ACOX3: variants seen among roughly 807,000 people sequenced by gnomAD.
The protein encoded by ACOX3 is peroxisomal acyl-coenzyme A oxidase 3.
A neutral mutation model predicts 81.5 loss-of-function variants in ACOX3; 73 were observed. The observed-to-expected ratio is 0.90, with a 90% CI of 0.74 to 1.09. ACOX3 has a LOEUF of 1.09. Among genes scored for constraint, ACOX3 ranks in the 50% least tolerant of loss-of-function variants. The probability of loss-of-function intolerance (pLI) is 0.00; values close to 1 mark genes in which losing one functional copy is unlikely to be tolerated. For synonymous variants in ACOX3, 387 were observed against 375.1 expected (o/e 1.03, Z -0.37); for missense variants, 947 against 928.0 (o/e 1.02, Z -0.27).
chr4:8,418,057 C>G (rs1432620219), intron 1 of ACOX3, among the ~76,000 whole-genome samples: 1 of 152,116 alleles, frequency 6.6e-6, no homozygotes, highest in Non-Finnish European at 1.5e-5. Context: ...AAACTGTCCA[C>G]GAAGAAAAAC....
intron 11 of ACOX3, among the ~76,000 whole-genome samples, chr4:8,390,334 ACT>A (rs1178265759): frequency 3.4e-5 from 5 of 147,864 alleles, no homozygotes; most frequent in Non-Finnish European, 7.4e-5. Flanking sequence ...ACAGGGCAAG[ACT>A]CTGACCAAAA....
intron 13 of ACOX3, among the ~76,000 whole-genome samples, chr4:8,387,366 C>G (rs937790884): frequency 6.6e-6 from 1 of 152,196 alleles, no homozygotes; most frequent in Admixed American, 6.5e-5. Context: ...CTGGCGGGAG[C>G]TGACGTCTCT....
chr4:8,355,855 C>T, the ACOX3 span: 1 of 153,358 alleles, frequency 6.5e-6, no homozygotes, highest in African/African-American at 2.4e-5. Flanking sequence ...AAACTAAATG[C>T]CTTCTTAGAT....
chr4:8,368,238 A>G lies in ACOX3; in HGVS notation c.1984-1158T>C, dbSNP rs1453581172. On this transcript the variant is annotated intron_variant, in intron 17 of 17. Transcript: ENST00000356406. The surrounding 1 kb of genome is among the most constrained non-coding windows in gnomAD (Gnocchi z 5.9). ...TGCTCCTCTGGTCCTGCCCCGGGCC[A>G]GCACTCCCCTACGGGAGGTGCAGAC... Among the ~76,000 whole-genome samples, 2 of 152,212 alleles carry G rather than the reference A, an allele frequency of 1.3e-5. No homozygotes were observed. The highest frequency in any genetic ancestry group is 2.9e-5 in the Non-Finnish European group (2 of 68,036).
At position 8,419,969 on chromosome 4, in the gene ACOX3, A is replaced by G. The variant is rs920442878; in HGVS notation, c.-14-3434T>C. On this transcript the variant is annotated intron_variant, in intron 1 of 17. Transcript: ENST00000356406. The surrounding 1 kb of genome is among the most constrained non-coding windows in gnomAD (Gnocchi z 4.2). ...TTACGGAATCTTCTCATTTCTCTCC[A>G]GCCTGATAAAACCCTCATAACAACC... is the stretch of plus-strand genomic sequence containing the variant. Among the ~76,000 whole-genome samples, 1 of 152,190 alleles carries G rather than the reference A, an allele frequency of 6.6e-6. No homozygotes were observed. Among genetic ancestry groups the G allele is most frequent in the Non-Finnish European group, 1.5e-5 (1 of 68,040 alleles).
At chr4:8,362,731 G>C (rs972957553), downstream of ACOX3, among the ~76,000 whole-genome samples, 4 of 152,214 alleles carry the variant, frequency 2.6e-5, no homozygotes, top group Non-Finnish European at 5.9e-5. Flanking sequence ...GTAGCCCCAA[G>C]CTATCTTGAG....
rs1388056433 is a variant in ACOX3 at position 8,437,518 on chromosome 4, A to G, written c.-15+3130T>C. On this transcript the variant is annotated intron_variant, in intron 1 of 17. Coordinates refer to ENST00000356406, the MANE Select transcript of ACOX3 (RefSeq NM_003501.3). The surrounding 1 kb of genome is among the most constrained non-coding windows in gnomAD (Gnocchi z 5.2). ...GGCCCCGCCAGGTGGCCATAGAAGC[A>G]GGAGAACTCAGGAAGGAAAAAGAAA... Among the ~76,000 whole-genome samples the G allele has an allele frequency of 6.7e-6, 1 of 149,662 alleles. No homozygotes were observed. Among genetic ancestry groups the G allele is most frequent in the South Asian group, 2.1e-4 (1 of 4,826 alleles).
rs931136074 is a variant in ACOX3 at position 8,385,017 on chromosome 4, C to G, written c.1538-3410G>C. The stretch of plus-strand genomic sequence containing the variant: ...GGAAGTGTTCAGGACTGTGGCCCCC[C>G]ACACGCAGCAGCCCCCCACCGAGGG... On this transcript the variant is annotated intron_variant, in intron 13 of 17. Transcript: ENST00000356406. The surrounding 1 kb of genome is among the most constrained non-coding windows in gnomAD (Gnocchi z 5.5). Among the ~76,000 whole-genome samples, 2 of 152,162 alleles carry G rather than the reference C, an allele frequency of 1.3e-5. No individual in the cohort carries two copies. The highest frequency in any genetic ancestry group is 2.9e-5 in the Non-Finnish European group (2 of 68,018).
intron 1 of ACOX3, among the ~76,000 whole-genome samples, chr4:8,435,812 G>A (rs753514876): frequency 3.9e-5 from 6 of 152,148 alleles, no homozygotes; most frequent in African/African-American, 9.7e-5. Flanking sequence ...TGCAGGAGCC[G>A]CCAGAGATAA....
At chr4:8,376,087 C>CTAGG in intron 14 of ACOX3, among the ~76,000 whole-genome samples, 1 of 152,302 alleles carries the variant, frequency 6.6e-6, no homozygotes, top group South Asian at 2.1e-4. Context: ...TGAGAAATTG[C>CTAGG]CAAGCTGCCC....
intron 1 of ACOX3, among the ~76,000 whole-genome samples, chr4:8,426,782 G>C (rs186795581): frequency 6.6e-6 from 1 of 152,222 alleles, no homozygotes; most frequent in African/African-American, 2.4e-5. Context: ...AATCAAAGCT[G>C]TGAAACTACA....
intron 6 of ACOX3, among the ~76,000 whole-genome samples, chr4:8,409,706 TAGGGCTGTAGGATACACCGTGGGC>T (rs1721484757): frequency 8.4e-6 from 1 of 119,352 alleles, no homozygotes; most frequent in Non-Finnish European, 1.8e-5. Flanking sequence ...GTGCTGCGGG[TAGGGCTGTAGGATACACCGTGGGC>T]GGGGCTGTGG....
downstream of ACOX3, among the ~76,000 whole-genome samples, chr4:8,361,319 A>G (rs922095304): frequency 6.7e-6 from 1 of 148,672 alleles, no homozygotes; most frequent in Admixed American, 6.8e-5. Context: ...CCAGCTACTC[A>G]GGAGGCTGAG....
chr4:8,416,440 C>G lies in ACOX3; in HGVS notation c.82G>C (p.Ala28Pro), dbSNP rs757112621. The G allele has an allele frequency of 6.2e-7, 1 of 1,614,198 alleles. No individual in the cohort carries two copies. Among genetic ancestry groups the G allele is most frequent in the South Asian group, 1.1e-5 (1 of 91,082 alleles). ...GCCAGCTCCTTCCAGCTGAAGGACG[C>G]TCTTGCTCGGTAGGCATCGAGGGGC... is the stretch of plus-strand genomic sequence containing the variant. ...RGPLDAYRARASFSWKELALF... is the reference protein window; with the variant it reads ...RGPLDAYRARPSFSWKELALF... Residue 28 changes from alanine (A) to proline (P), a missense_variant, in exon 2 of 18, where the codon GCG (alanine) becomes CCG (proline). Physicochemically the swap from Ala to Pro is conservative, Grantham distance 27. Transcript: ENST00000356406. The surrounding 1 kb of genome is among the most constrained non-coding windows in gnomAD (Gnocchi z 4.2).
chr4:8,389,416 T>C lies in ACOX3; in HGVS notation c.1424-130A>G. Reference sequence around the variant, plus strand: ...ACGGCCACAGACCCACAGGCGAGGGTCTGGGTCTCAAGGACCCTCCCCACC... The same window carrying C: ...ACGGCCACAGACCCACAGGCGAGGGCCTGGGTCTCAAGGACCCTCCCCACC... On this transcript the variant is annotated intron_variant, in intron 12 of 17. Coordinates refer to ENST00000356406, the MANE Select transcript of ACOX3 (RefSeq NM_003501.3). The surrounding 1 kb of genome is among the most constrained non-coding windows in gnomAD (Gnocchi z 5.3). The C allele has an allele frequency of 7.9e-7, 1 of 1,259,442 alleles. No individual in the cohort carries two copies. Among genetic ancestry groups the C allele is most frequent in the Middle Eastern group, 2.0e-4 (1 of 5,082 alleles). 78.0% of individuals were successfully genotyped at this position (1,259,442 alleles called of 1,614,324 possible). A position where few individuals can be genotyped will look rare whatever the true frequency, so the allele number is the denominator to read the frequency against.
intron 1 of ACOX3, among the ~76,000 whole-genome samples, chr4:8,438,563 A>G (rs1724385199): frequency 6.6e-6 from 1 of 152,248 alleles, no homozygotes; most frequent in African/African-American, 2.4e-5. Flanking sequence ...TCCAAGAACT[A>G]AAGGAATTAA....
intron 7 of ACOX3, among the ~76,000 whole-genome samples, chr4:8,401,272 T>C (rs1207576629): frequency 1.3e-5 from 2 of 152,194 alleles, no homozygotes; most frequent in Middle Eastern, 3.4e-3. Context: ...TACCACGGGG[T>C]TGGGGACCCC....
At chr4:8,392,999 T>C (rs544676201) in intron 10 of ACOX3, 18 of 152,306 alleles carry the variant, frequency 1.2e-4, no homozygotes, top group African/African-American at 4.1e-4. Flanking sequence ...ACATGTTTTA[T>C]TGAGACTCCT....
chr4:8,373,426 C>A, intron 16 of ACOX3, 135 bp downstream of exon 16: 1 of 888,840 alleles, frequency 1.1e-6, no homozygotes, highest in Non-Finnish European at 1.7e-6. Flanking sequence ...CTCTGGGTGA[C>A]GCTAAGGGGG....
Sources: gnomAD v4.1 joint callset for allele counts (sites outside exome capture counted in the v4.1 genomes callset) on GRCh38, gnomAD v4.1.1 for gene constraint, Gnocchi (gnomAD v3.1) non-coding constraint, MANE v1.5 for transcripts, NCBI Gene and HGNC (gene_info 2026-07-23, HGNC 2026-07-21) for gene names.